The following NRG4 variants were observed in gnomAD, a reference collection of about 807,000 sequenced individuals.
The protein encoded by NRG4 is neuregulin 4.
A neutral mutation model predicts 15.0 loss-of-function variants in NRG4; 10 were observed. The observed-to-expected ratio is 0.67, with a 90% CI of 0.41 to 1.13. The LOEUF (loss-of-function observed/expected upper bound fraction) is 1.13. NRG4 is among the 50% of genes most tolerant of loss of function. NRG4 has a pLI of 0.00. For synonymous variants in NRG4, 41 were observed against 50.1 expected (o/e 0.82, Z 0.77); for missense variants, 139 against 140.2 (o/e 0.99, Z 0.04).
rs1321293024 is a variant in NRG4 at position 76,042,817 on chromosome 15, A to G, written c.-104-6826T>C. ...TCCAAGCTCATTCTACAAGGTCAGT[A>G]TTACCCTGATATCAAAACCAGATAA... On this transcript the variant is annotated intron_variant, in intron 4 of 8. Transcript: ENST00000563910. Among the ~76,000 whole-genome samples, 28 of 152,144 alleles carry G rather than the reference A, an allele frequency of 1.8e-4. 1 individual carries two copies. The highest frequency in any genetic ancestry group is 1.8e-3 in the Admixed American group (28 of 15,280).
At chr15:75,937,708 C>G (rs925502449), downstream of NRG4, 13 of 152,312 alleles carry the variant, frequency 8.5e-5, no homozygotes, top group African/African-American at 2.9e-4. Context: ...GCCCAGTCCC[C>G]TCCCTTGAAC....
chr15:76,009,338 T>C, intron 2 of NRG4, 45 bp from the exon 3 acceptor site: 1 of 869,852 alleles, frequency 1.1e-6, no homozygotes, highest in Non-Finnish European at 1.7e-6. Flanking sequence ...AAATTAAAGT[T>C]TTCCTAATGC....
intron 3 of NRG4, among the ~76,000 whole-genome samples, chr15:76,006,502 G>T (rs911666770): frequency 6.6e-6 from 1 of 151,856 alleles, no homozygotes; most frequent in African/African-American, 2.4e-5. Flanking sequence ...TCGCCCTTTT[G>T]TTCCCTACCC....
At chr15:76,040,048 T>TA (rs1303968203) in intron 4 of NRG4, among the ~76,000 whole-genome samples, 8 of 142,722 alleles carry the variant, frequency 5.6e-5, no homozygotes, top group South Asian at 2.2e-4. Flanking sequence ...CCCCGCCAAA[T>TA]AAAAAAAAAG....
At position 76,022,157 on chromosome 15, in the gene NRG4, C is replaced by T. The variant is rs150837394; in HGVS notation, c.-56-10871G>A. 7.5e-3 allele frequency among the ~76,000 whole-genome samples: 1,143 copies of T among 152,260 alleles called. 7 individuals are homozygous for T. The highest frequency in any genetic ancestry group is 0.012 in the Non-Finnish European group (817 of 68,016). The stretch of plus-strand genomic sequence containing the variant: ...CACAGTCTGGTACTGGTCTGTGGCC[C>T]GGGTGTGGGGACCCCTGCTCTAAAT... On this transcript the variant is annotated intron_variant, in intron 5 of 8. Transcript: ENST00000563910.
intron 5 of NRG4, among the ~76,000 whole-genome samples, chr15:76,030,463 G>T (rs1038863200): frequency 1.3e-5 from 2 of 152,070 alleles, no homozygotes; most frequent in Non-Finnish European, 2.9e-5. Flanking sequence ...TTTTCACAAA[G>T]GCATCAAGGA....
At position 76,009,240 on chromosome 15, in the gene NRG4, G is replaced by GC. The variant is rs1391514057; in HGVS notation, c.63dup (p.Leu22AlafsTer14). On this transcript the variant is annotated frameshift_variant, in exon 3 of 6. Transcript: ENST00000394907. LOFTEE classifies it high-confidence loss of function. ...GGAATAGTAGGTATCACATAACAAA[G>GC]CCCCCCATTCAGGCAAAACGACTTG... is the stretch of plus-strand genomic sequence containing the variant. The GC allele has an allele frequency of 6.2e-7, 1 of 1,603,738 alleles. No individual in the cohort carries two copies. Among genetic ancestry groups the GC allele is most frequent in the South Asian group, 1.1e-5 (1 of 90,558 alleles).
intron 2 of NRG4, among the ~76,000 whole-genome samples, chr15:76,055,106 C>T (rs1176232575): frequency 6.6e-6 from 1 of 152,020 alleles, no homozygotes; most frequent in Non-Finnish European, 1.5e-5. Flanking sequence ...ATGGTGAAAC[C>T]CCAACTCTAC....
chr15:75,947,718 ATTG>A (rs1237642444), intron 5 of NRG4, among the ~76,000 whole-genome samples: 2 of 152,088 alleles, frequency 1.3e-5, no homozygotes, highest in Non-Finnish European at 2.9e-5. Flanking sequence ...GACTTGCCAT[ATTG>A]TTTTCTTAAA....
intron 3 of NRG4, chr15:76,005,907 G>A (rs1350304526): frequency 1.1e-5 from 3 of 266,332 alleles, no homozygotes; most frequent in Non-Finnish European, 2.3e-5. Context: ...GCAGACCAAG[G>A]AAGAAATGGC....
chr15:76,012,985 T>C (rs1387514632), upstream of NRG4, among the ~76,000 whole-genome samples: 4 of 152,192 alleles, frequency 2.6e-5, no homozygotes. Context: ...GAAAGTTAAG[T>C]TTTAAAAATC....
intron 3 of NRG4, among the ~76,000 whole-genome samples, chr15:75,985,668 G>A (rs556409185): frequency 7.9e-5 from 12 of 152,214 alleles, no homozygotes; most frequent in Non-Finnish European, 1.6e-4. Context: ...GGCCAACTTC[G>A]CAAGGAGGCC....
intron 3 of NRG4, among the ~76,000 whole-genome samples, chr15:75,987,203 A>C (rs2141862740): frequency 6.6e-6 from 1 of 152,330 alleles, no homozygotes; most frequent in East Asian, 1.9e-4. Context: ...AAAATGATTA[A>C]GGATGACAGA....
In NRG4 at chr15:75,966,405, TTAAC is replaced by T. The variant is rs1410574587; in HGVS notation, c.105-4435_105-4432del. ...TGAAATCAAAATAACATCACATGCT[TTAAC>T]TACATAGGGCTATTGTCAGAATCAA... On this transcript the variant is annotated intron_variant, in intron 3 of 5. Transcript: ENST00000394907. 1.6e-4 allele frequency among the ~76,000 whole-genome samples: 24 copies of T among 152,302 alleles called. No homozygotes were observed. The East Asian group carries it at 4.4e-3, about 28-fold the overall frequency.
chr15:76,059,538 T>A (rs1156760000), intron 1 of NRG4: 1 of 152,744 alleles, frequency 6.5e-6, no homozygotes, highest in African/African-American at 2.4e-5. Flanking sequence ...GCCCTCGGCC[T>A]CCGCACTTGT....
chr15:76,020,234 T>G, intron 5 of NRG4, among the ~76,000 whole-genome samples: 1 of 152,170 alleles, frequency 6.6e-6, no homozygotes, highest in East Asian at 1.9e-4. Context: ...AATATTGAAA[T>G]TAGCCCAATT....
intron 3 of NRG4, among the ~76,000 whole-genome samples, chr15:75,969,695 T>C (rs2033003302): frequency 6.6e-6 from 1 of 152,216 alleles, no homozygotes; most frequent in Non-Finnish European, 1.5e-5. Flanking sequence ...TTAAATAAAA[T>C]TTATACTCTT....
intron 4 of NRG4, among the ~76,000 whole-genome samples, chr15:76,041,017 G>T (rs1252275135): frequency 6.6e-6 from 1 of 152,090 alleles, no homozygotes; most frequent in Non-Finnish European, 1.5e-5. Flanking sequence ...AAAGCAAGAG[G>T]ATGAAGTTAA....
intron 3 of NRG4, among the ~76,000 whole-genome samples, chr15:75,973,075 G>A (rs2033187874): frequency 6.6e-6 from 1 of 152,152 alleles, no homozygotes; most frequent in Admixed American, 6.5e-5. Flanking sequence ...ACTCCTTGAA[G>A]AGGTCCTTCA....
Sources: allele counts gnomAD v4.1 joint callset (sites outside exome capture counted in the v4.1 genomes callset), GRCh38; gene constraint gnomAD v4.1.1; transcripts MANE v1.5; gene names NCBI Gene and HGNC (gene_info 2026-07-23, HGNC 2026-07-21).